Variants in KLHL17 observed in about 807,000 individuals in gnomAD.
KLHL17 encodes the protein kelch like family member 17.
Under a neutral mutation model 64.6 loss-of-function variants are expected in KLHL17, and 71 were observed. That is an observed-to-expected ratio of 1.10 (90% CI 0.91 to 1.34). KLHL17 has a LOEUF of 1.34. Among genes scored for constraint, KLHL17 ranks in the 40% most tolerant of loss-of-function variants. KLHL17 has a pLI of 0.00. For missense variants in KLHL17, 1,140 were observed against 935.0 expected, an observed-to-expected ratio of 1.22 and a Z score of -2.86; for synonymous variants, 612 against 405.4, an observed-to-expected ratio of 1.51 and a Z score of -6.12.
intron 8 of KLHL17, 35 bp from the exon 9 acceptor site, chr1:963,885 C>T (rs778933447): frequency 1.2e-5 from 20 of 1,606,342 alleles, no homozygotes; most frequent in African/African-American, 1.2e-4. Context: ...CTTTCTGTCT[C>T]TGCTGAGCTG....
intron 11 of KLHL17, 46 bp downstream of exon 11, chr1:964,576 G>T: frequency 7.0e-7 from 1 of 1,425,396 alleles, no homozygotes; most frequent in Admixed American, 2.5e-5. Context: ...CCGCAGTGGG[G>T]CTGTGGGAGG....
Position 964,888 on chromosome 1 carries a change from C to T in KLHL17, c.1701-75C>T, listed in dbSNP as rs1436598880. 33 of 1,143,510 alleles carry T rather than the reference C, an allele frequency of 2.9e-5. 9 individuals are homozygous for T. Among genetic ancestry groups the T allele is most frequent in the Non-Finnish European group, 4.1e-5 (33 of 795,476 alleles). 70.8% of individuals were successfully genotyped at this position (1,143,510 alleles called of 1,614,324 possible). A position where few individuals can be genotyped will look rare whatever the true frequency, so the allele number is the denominator to read the frequency against. On this transcript the variant is annotated intron_variant, in intron 11 of 11. Coordinates refer to ENST00000338591, the MANE Select transcript of KLHL17 (RefSeq NM_198317.3). Reference sequence around the variant, plus strand: ...AACCTCAGCGAGCATGTCCCGCCACCACCCCTTTTTGTGGTGCAGCCCCTC... The same window carrying T: ...AACCTCAGCGAGCATGTCCCGCCACTACCCCTTTTTGTGGTGCAGCCCCTC...
chr1:962,873 G>T lies in KLHL17; in HGVS notation c.998G>T (p.Arg333Leu). 2.5e-6 allele frequency: 4 copies of T among 1,581,896 alleles called. No homozygotes were observed. The highest frequency in any genetic ancestry group is 1.1e-5 in the South Asian group (1 of 88,480). ...GGCGTCCTAGGCACCAGCCGCACAC[G>T]TCCCCGGCGCTGCGAGGGGGCCGGG... ...QRGVLGTSRT[R>L]PRRCEGAGPV... Residue 333 changes from arginine (R) to leucine (L), a missense_variant, in exon 6 of 12, where the codon CGT becomes CTT. Coordinates refer to ENST00000338591, the MANE Select transcript of KLHL17 (RefSeq NM_198317.3).
chr1:963,779 G>A (rs1026672460), intron 8 of KLHL17, 141 bp from the exon 9 acceptor site: 36 of 1,015,414 alleles, frequency 3.5e-5, no homozygotes, highest in Admixed American at 1.7e-4. Context: ...GCCCACCAGC[G>A]GGCCCTGCCT....
chr1:962,720 G>A lies in KLHL17; in HGVS notation c.845G>A (p.Arg282Gln), dbSNP rs745682013. 9 of 1,604,458 alleles carry A rather than the reference G, an allele frequency of 5.6e-6. No individual in the cohort carries two copies. The highest frequency in any genetic ancestry group is 2.7e-5 in the African/African-American group (2 of 74,824). Residue 282 changes from arginine to glutamine, a missense_variant, in exon 6 of 12, where the codon CGG becomes CAG. Physicochemically the swap from Arg to Gln is conservative, Grantham distance 43. Coordinates refer to ENST00000338591, the MANE Select transcript of KLHL17 (RefSeq NM_198317.3). ...QHVPRLMKCVRLPLLSRDFLL... is the reference protein window; with the variant it reads ...QHVPRLMKCVQLPLLSRDFLL... ...GCACCCCAGCTCATGAAGTGTGTGCGGCTGCCCTTGCTGAGCCGCGACTTC... is the reference window on the plus strand; with the variant it reads ...GCACCCCAGCTCATGAAGTGTGTGCAGCTGCCCTTGCTGAGCCGCGACTTC...
At chr1:963,277 G>A (rs1557632698) in intron 7 of KLHL17, 24 bp downstream of exon 7, 1 of 1,599,024 alleles carries the variant, frequency 6.3e-7, no homozygotes. Context: ...CTGGACTTGG[G>A]TCGGGTCTGG....
At position 960,699 on chromosome 1, in the gene KLHL17, G is replaced by A; in HGVS notation, c.6G>A (p.Gln2=). M[Q]PRSERPAGRT... ...GCGGTGGGTCCGGCAGCCGAATGCA[G>A]CCCCGCAGCGAGCGCCCGGCCGGCA... Residue 2 remains glutamine, a synonymous_variant, in exon 1 of 12, where the codon CAG becomes CAA. Coordinates refer to ENST00000338591, the MANE Select transcript of KLHL17 (RefSeq NM_198317.3). 1.5e-6 allele frequency: 2 copies of A among 1,360,814 alleles called. No individual in the cohort carries two copies. The highest frequency in any genetic ancestry group is 1.5e-5 in the South Asian group (1 of 67,706). The allele number at this position is 1,360,814 out of a possible 1,614,324, so 84.3% of individuals were successfully genotyped here.
Position 963,411 on chromosome 1 carries a change from C to G in KLHL17, c.1262C>G (p.Ser421Cys). 1 of 1,612,674 alleles carries G rather than the reference C, an allele frequency of 6.2e-7. No homozygotes were observed. Among genetic ancestry groups the G allele is most frequent in the Non-Finnish European group, 8.5e-7 (1 of 1,179,876 alleles). Residue 421 changes from serine to cysteine, a missense_variant, in exon 8 of 12, where the codon TCC becomes TGC. By Grantham distance (112) the Ser-to-Cys change is moderately radical (BLOSUM62 -1). Transcript: ENST00000338591. ...ACTAACACGTGGCAGCCGGAGGTGT[C>G]CATGGGCACAAGGCGAAGCTGCCTG... ...PVTNTWQPEV[S>C]MGTRRSCLGV...
rs375596188 is a variant in KLHL17, at chr1:963,493, C to G, written c.1344C>G (p.Ser448=). The G allele has an allele frequency of 1.2e-6, 2 of 1,607,722 alleles. No individual in the cohort carries two copies. The highest frequency in any genetic ancestry group is 1.7e-6 in the Non-Finnish European group (2 of 1,176,690). The change falls in exon 8 of 12, where the codon TCC becomes TCG. Residue 448 remains serine (S), a synonymous_variant. Coordinates refer to ENST00000338591, the MANE Select transcript of KLHL17 (RefSeq NM_198317.3). ...CGGCCGGCGGCTATGACGGGGCCTC[C>G]TGCCTGAACAGGTAGTTGGGGTTGG... ...LYSAGGYDGA[S]CLNSAERYDP... is the part of the protein sequence containing the mutation.
rs1461691952 is a variant in KLHL17 at position 960,909 on chromosome 1, G to C, written c.107+109G>C. ...GGGGCCGCTTCCGAGGGCCGGGGGA[G>C]GTCGGGACTCAGGTGCGGAGCGGGG... On this transcript the variant is annotated intron_variant, in intron 1 of 11. Coordinates refer to ENST00000338591, the MANE Select transcript of KLHL17 (RefSeq NM_198317.3). 8.7e-6 allele frequency: 7 copies of C among 809,234 alleles called. No homozygotes were observed. The African/African-American group carries it at 1.3e-4, about 15-fold the overall frequency. The allele number at this position is 809,234 out of a possible 1,614,324, so 50.1% of individuals were successfully genotyped here.
rs1286743001 is a variant in KLHL17, at chr1:964,437, G to A, written c.1607G>A (p.Gly536Glu). The change falls in exon 11 of 12, where the codon GGG (glycine) becomes GAG (glutamate). Residue 536 changes from glycine to glutamate, a missense_variant. Physicochemically the swap from Gly to Glu is moderately conservative, Grantham distance 98. Coordinates refer to ENST00000338591, the MANE Select transcript of KLHL17 (RefSeq NM_198317.3). ...AVLEGALYVA[G>E]GNDGTSCLNS... is the part of the protein sequence containing the mutation. ...CTGGAGGGTGCCCTGTACGTGGCAG[G>A]GGGCAACGACGGCACCAGCTGCCTC... The A allele has an allele frequency of 1.9e-6, 3 of 1,548,912 alleles. No individual in the cohort carries two copies. The highest frequency in any genetic ancestry group is 2.6e-6 in the Non-Finnish European group (3 of 1,147,588).
At position 962,740 on chromosome 1, in the gene KLHL17, G is replaced by A. The variant is rs142704607; in HGVS notation, c.865G>A (p.Asp289Asn). The change falls in exon 6 of 12, where the codon GAC (aspartate) becomes AAC (asparagine). Residue 289 changes from aspartate to asparagine, a missense_variant. By Grantham distance (23) the Asp-to-Asn change is conservative (BLOSUM62 1). Coordinates refer to ENST00000338591, the MANE Select transcript of KLHL17 (RefSeq NM_198317.3). ...TGTGCGGCTGCCCTTGCTGAGCCGC[G>A]ACTTCCTGCTGGGCCACGTGGATGC... ...KCVRLPLLSRDFLLGHVDAES... is the reference protein window; with the variant it reads ...KCVRLPLLSRNFLLGHVDAES... 2.9e-5 allele frequency: 47 copies of A among 1,609,816 alleles called. No individual in the cohort carries two copies. The highest frequency in any genetic ancestry group is 5.0e-5 in the Admixed American group (3 of 59,842).
At position 960,750 on chromosome 1, in the gene KLHL17, CCCGGGGCCCGGGCCCG is replaced by C; in HGVS notation, c.58_73del (p.Pro20ArgfsTer36). ...GGACGCAGAGCCCGGAGCACGGCAGCCCGGGGCCCGGGCCCGAGGCGCCGCCGCCTCCACCGCCGCA... is the reference window on the plus strand; with the variant it reads ...GGACGCAGAGCCCGGAGCACGGCAGCAGGCGCCGCCGCCTCCACCGCCGCA... On this transcript the variant is annotated frameshift_variant, in exon 1 of 12. Coordinates refer to ENST00000338591, the MANE Select transcript of KLHL17 (RefSeq NM_198317.3). LOFTEE classifies it high-confidence loss of function. 8.4e-7 allele frequency: 1 copy of C among 1,192,264 alleles called. No individual in the cohort carries two copies. The highest frequency in any genetic ancestry group is 1.0e-6 in the Non-Finnish European group (1 of 959,614). 73.9% of individuals were successfully genotyped at this position (1,192,264 alleles called of 1,614,324 possible).
rs770816388 is a variant in KLHL17 at position 962,923 on chromosome 1, G to GC, written c.1042+12dup. 14 of 1,540,350 alleles carry GC rather than the reference G, an allele frequency of 9.1e-6. No homozygotes were observed. Among genetic ancestry groups the GC allele is most frequent in the African/African-American group, 6.8e-5 (5 of 73,340 alleles). On this transcript the variant is annotated splice_region_variant and intron_variant, in intron 6 of 11. Transcript: ENST00000338591. ...GCCTGTGCTTTTTGCTGTGGGTATG[G>GC]CCCCCCGCCCGTTTCCCTCTTGCCC...
At chr1:964,201 G>C in intron 10 of KLHL17, 21 bp downstream of exon 10, 2 of 1,612,112 alleles carry the variant, frequency 1.2e-6, no homozygotes, top group Non-Finnish European at 1.7e-6. Flanking sequence ...CACCCCTCCT[G>C]GCCACCCCCT....
Position 965,022 on chromosome 1 carries a change from G to C in KLHL17, c.1760G>C (p.Gly587Ala). 6.2e-7 allele frequency: 1 copy of C among 1,612,552 alleles called. No individual in the cohort carries two copies. Among genetic ancestry groups the C allele is most frequent in the Non-Finnish European group, 8.5e-7 (1 of 1,179,780 alleles). ...GWLYAVGGND[G>A]SSSLNSIEKY... ...TTGTACGCCGTGGGGGGTAACGACG[G>C]TAGCTCCAGCCTCAACTCCATCGAG... The change falls in exon 12 of 12, where the codon GGT becomes GCT. Residue 587 changes from glycine to alanine, a missense_variant. Coordinates refer to ENST00000338591, the MANE Select transcript of KLHL17 (RefSeq NM_198317.3).
Position 961,762 on chromosome 1 carries a change from C to T in KLHL17, c.489+12C>T, listed in dbSNP as rs752503574. ...AGGGCAATGTGCAGGTGAGGGCTCC[C>T]TCACCCGGATCCCGGTGTCCCCCGA... On this transcript the variant is annotated intron_variant, in intron 3 of 11. Transcript: ENST00000338591. 6 of 1,611,756 alleles carry T rather than the reference C, an allele frequency of 3.7e-6. No individual in the cohort carries two copies. The Admixed American group carries it at 8.3e-5, about 22-fold the overall frequency.
intron 11 of KLHL17, 94 bp from the exon 12 acceptor site, chr1:964,869 A>G (rs556535438): frequency 9.8e-7 from 1 of 1,024,662 alleles, no homozygotes; most frequent in Admixed American, 2.2e-5. Context: ...TCCCAACCTC[A>G]GCGAGCATGT....
In KLHL17 at chr1:964,344, C is replaced by G; in HGVS notation, c.1519-5C>G. 4 of 1,555,770 alleles carry G rather than the reference C, an allele frequency of 2.6e-6. No individual in the cohort carries two copies. Among genetic ancestry groups the G allele is most frequent in the Non-Finnish European group, 3.5e-6 (4 of 1,152,866 alleles). ...TCTGCGTCCAGCCCACGCCCTCGCC[C>G]CCAGGTGAACGTGTGGTCGCCCGTG... On this transcript the variant is annotated splice_polypyrimidine_tract_variant and splice_region_variant and intron_variant, in intron 10 of 11. Coordinates refer to ENST00000338591, the MANE Select transcript of KLHL17 (RefSeq NM_198317.3).
Sources: allele counts gnomAD v4.1 joint callset, GRCh38; gene constraint gnomAD v4.1.1; transcripts MANE v1.5; gene names NCBI Gene and HGNC (gene_info 2026-07-23, HGNC 2026-07-21).